HOMER1: variants seen among roughly 807,000 people sequenced by gnomAD.
The protein encoded by HOMER1 is homer scaffold protein 1.
HOMER1 carries 3 observed loss-of-function variants against 48.9 expected under a neutral mutation model. The ratio of observed to expected loss-of-function variants is 0.06; its 90% CI spans 0.03 to 0.16. HOMER1 has a LOEUF of 0.16. HOMER1 is among the 10% of genes least tolerant of loss of function. The pLI is 1.00. For missense variants in HOMER1, 247 were observed against 411.4 expected (o/e 0.60, Z 3.46); for synonymous variants, 134 against 146.4 (o/e 0.92, Z 0.61).
At position 79,465,588 on chromosome 5, in the gene HOMER1, T is replaced by C. The variant is rs1580001543; in HGVS notation, c.6-8570A>G. On this transcript the variant is annotated intron_variant, in intron 1 of 8. Coordinates refer to ENST00000334082, the MANE Select transcript of HOMER1 (RefSeq NM_004272.5). Reference sequence around the variant, plus strand: ...ACAGTACTGTTTACATTTCTTCTTTTTTTTTTTTTTTTTTTTTTTTTTGAG... The same window carrying C: ...ACAGTACTGTTTACATTTCTTCTTTCTTTTTTTTTTTTTTTTTTTTTTGAG... Among the ~76,000 whole-genome samples, 4 of 81,202 alleles carry C rather than the reference T, an allele frequency of 4.9e-5. No individual in the cohort carries two copies. The East Asian group carries it at 1.2e-3, about 24-fold the overall frequency. 53.3% of individuals were successfully genotyped at this position (81,202 alleles called of 152,430 possible).
intron 1 of HOMER1, among the ~76,000 whole-genome samples, chr5:79,463,406 T>C (rs1214558855): frequency 6.6e-6 from 1 of 152,144 alleles, no homozygotes; most frequent in Non-Finnish European, 1.5e-5. Context: ...AAAGAAACCC[T>C]TAGTGCTGTG....
At chr5:79,465,352 A>T (rs1180015454) in intron 1 of HOMER1, among the ~76,000 whole-genome samples, 1 of 152,106 alleles carries the variant, frequency 6.6e-6, no homozygotes, top group Admixed American at 6.6e-5. Context: ...AAAAGAAAAA[A>T]AAATGTATGA....
intron 4 of HOMER1, among the ~76,000 whole-genome samples, chr5:79,446,513 T>C (rs1461227195): frequency 6.6e-6 from 1 of 152,218 alleles, no homozygotes; most frequent in Non-Finnish European, 1.5e-5. Context: ...TTTGCTAAGT[T>C]ACAAGCACAT....
chr5:79,440,595 A>G (rs961506260), intron 4 of HOMER1, among the ~76,000 whole-genome samples: 3 of 152,232 alleles, frequency 2.0e-5, no homozygotes, highest in Non-Finnish European at 2.9e-5. Context: ...GACAATATAA[A>G]AATGTTTTAC....
intron 5 of HOMER1, among the ~76,000 whole-genome samples, chr5:79,410,697 T>TG (rs1395176733): frequency 6.9e-6 from 1 of 144,620 alleles, no homozygotes; most frequent in Non-Finnish European, 1.5e-5. Context: ...ACATTAATTT[T>TG]GAAAAAAAAA....
At chr5:79,431,169 A>C (rs568418001) in intron 5 of HOMER1, among the ~76,000 whole-genome samples, 75 of 152,172 alleles carry the variant, frequency 4.9e-4, no homozygotes, top group African/African-American at 1.8e-3. Context: ...ATCTCTACAA[A>C]AAATATTAGC....
At chr5:79,425,341 CA>C (rs926420027) in intron 5 of HOMER1, among the ~76,000 whole-genome samples, 58 of 151,772 alleles carry the variant, frequency 3.8e-4, no homozygotes, top group African/African-American at 1.4e-3. Context: ...ATAAAGAGTC[CA>C]GCTTTTCCAT....
intron 5 of HOMER1, among the ~76,000 whole-genome samples, chr5:79,403,340 G>A (rs906528293): frequency 6.6e-6 from 1 of 151,876 alleles, no homozygotes; most frequent in South Asian, 2.1e-4. Context: ...AGTAATTTTA[G>A]CATATATTTT....
intron 5 of HOMER1, among the ~76,000 whole-genome samples, chr5:79,419,807 A>G (rs375807095): frequency 2.6e-5 from 4 of 152,340 alleles, no homozygotes; most frequent in Middle Eastern, 3.4e-3. Context: ...ACTACTTAAC[A>G]TGATATTCAC....
chr5:79,375,800 T>G lies in HOMER1; in HGVS notation c.*209A>C. On this transcript the variant is annotated 3_prime_UTR_variant, in exon 9 of 9. Coordinates refer to ENST00000334082, the MANE Select transcript of HOMER1 (RefSeq NM_004272.5). ...ATGGAGGTAATTTGTAGTTCAAGTT[T>G]TTCATCTTTTTTCCCCAACTAGCTA... The G allele has an allele frequency of 2.6e-6, 1 of 391,100 alleles. No individual in the cohort carries two copies. The highest frequency in any genetic ancestry group is 4.5e-6 in the Non-Finnish European group (1 of 221,504). 24.2% of individuals were successfully genotyped at this position (391,100 alleles called of 1,614,324 possible).
intron 1 of HOMER1, among the ~76,000 whole-genome samples, chr5:79,497,801 A>G (rs893307340): frequency 1.3e-5 from 2 of 152,172 alleles, no homozygotes; most frequent in South Asian, 2.1e-4. Flanking sequence ...TGAATGGACA[A>G]AAGTTTCTCA....
intron 8 of HOMER1, among the ~76,000 whole-genome samples, chr5:79,383,049 G>A (rs1490375225): frequency 2.0e-5 from 3 of 152,122 alleles, no homozygotes; most frequent in African/African-American, 4.8e-5. Flanking sequence ...GATATTCCAC[G>A]AAAATGGAAA....
chr5:79,379,114 A>ATATATAT (rs70975748), intron 8 of HOMER1, among the ~76,000 whole-genome samples: 17 of 82,242 alleles, frequency 2.1e-4, no homozygotes, highest in African/African-American at 6.0e-4. Flanking sequence ...ATATATATAT[A>ATATATAT]AAATATATAA....
At chr5:79,422,083 T>A (rs2112248362) in intron 5 of HOMER1, among the ~76,000 whole-genome samples, 2 of 152,052 alleles carry the variant, frequency 1.3e-5, no homozygotes, top group South Asian at 4.2e-4. Context: ...AAAAATTAGC[T>A]AGGCATGGTG....
At chr5:79,491,405 C>A (rs1334884781) in intron 1 of HOMER1, among the ~76,000 whole-genome samples, 2 of 140,156 alleles carry the variant, frequency 1.4e-5, no homozygotes, top group Non-Finnish European at 3.0e-5. Context: ...TGCCACTACA[C>A]TCCAGCCTGG....
chr5:79,374,114 T>C lies in HOMER1; in HGVS notation c.*1895A>G, dbSNP rs1447126834. ...TATTTAAATTAAAACTTGGTGCTCTTTGTTACTCAGAAACTGATGGATAAA... is the reference window on the plus strand; with the variant it reads ...TATTTAAATTAAAACTTGGTGCTCTCTGTTACTCAGAAACTGATGGATAAA... On this transcript the variant is annotated 3_prime_UTR_variant, in exon 9 of 9. Coordinates refer to ENST00000334082, the MANE Select transcript of HOMER1 (RefSeq NM_004272.5). The C allele has an allele frequency of 6.6e-6, 1 of 152,438 alleles. No homozygotes were observed. The highest frequency in any genetic ancestry group is 1.5e-5 in the Non-Finnish European group (1 of 67,864). 9.4% of individuals were successfully genotyped at this position (152,438 alleles called of 1,614,324 possible).
chr5:79,424,198 C>T (rs551696549), intron 5 of HOMER1, among the ~76,000 whole-genome samples: 22 of 152,002 alleles, frequency 1.4e-4, no homozygotes, highest in Non-Finnish European at 2.7e-4. Flanking sequence ...TAGAAGAGCA[C>T]ACATCTTGTA....
intron 1 of HOMER1, among the ~76,000 whole-genome samples, chr5:79,464,458 C>T (rs1364848519): frequency 6.6e-6 from 1 of 152,158 alleles, no homozygotes; most frequent in Non-Finnish European, 1.5e-5. Context: ...CAGGAATAGA[C>T]GGACACTAAT....
In HOMER1 at chr5:79,512,903, T is replaced by A; in HGVS notation, c.-129A>T. 1.3e-6 allele frequency: 1 copy of A among 797,106 alleles called. No individual in the cohort carries two copies. Among genetic ancestry groups the A allele is most frequent in the Non-Finnish European group, 2.2e-6 (1 of 464,192 alleles). The allele number at this position is 797,106 out of a possible 1,614,324, so 49.4% of individuals were successfully genotyped here. On this transcript the variant is annotated 5_prime_UTR_variant, in exon 1 of 9. Coordinates refer to ENST00000334082, the MANE Select transcript of HOMER1 (RefSeq NM_004272.5). ...ACCCCCAGATCCTTGTCCGGAGGTA[T>A]TTCAAGGATGCTGCCAATTCAATTA...
Sources: allele counts gnomAD v4.1 joint callset (sites outside exome capture counted in the v4.1 genomes callset), GRCh38; gene constraint gnomAD v4.1.1; transcripts MANE v1.5; gene names NCBI Gene and HGNC (gene_info 2026-07-23, HGNC 2026-07-21).